FHL1: variants seen among roughly 807,000 people sequenced by gnomAD.
The protein encoded by FHL1 is four and a half LIM domains protein 1.
Under a neutral mutation model 20.3 loss-of-function variants are expected in FHL1, and 1 was observed. That is an observed-to-expected ratio of 0.05 (90% CI 0.02 to 0.23). FHL1 has a LOEUF of 0.23. Among genes scored for constraint, FHL1 ranks in the 10% least tolerant of loss-of-function variants. The pLI is 1.00. For missense variants in FHL1, 177 were observed against 234.0 expected, an observed-to-expected ratio of 0.76 and a Z score of 1.59; for synonymous variants, 82 against 88.9, an observed-to-expected ratio of 0.92 and a Z score of 0.44.
intron 1 of FHL1, among the ~76,000 whole-genome samples, chrX:136,153,324 TG>T (rs929659893): frequency 9.0e-6 from 1 of 110,630 alleles, no homozygotes; most frequent in African/African-American, 3.3e-5. Context: ...TAATTTCATT[TG>T]CTTCAATTGG....
chrX:136,154,834 C>A (rs2072368128), intron 1 of FHL1, among the ~76,000 whole-genome samples: 1 of 110,792 alleles, frequency 9.0e-6, no homozygotes, highest in Non-Finnish European at 1.9e-5. Context: ...AGCCTCCCTA[C>A]TAGCTGGGAT....
At chrX:136,174,665 T>C (rs907180081) in intron 2 of FHL1, among the ~76,000 whole-genome samples, 2 of 111,990 alleles carry the variant, frequency 1.8e-5, no homozygotes, top group African/African-American at 6.5e-5. Context: ...GGATCTACTT[T>C]GAGTTGGAGC....
chrX:136,189,059 G>A (rs1318482187), intron 2 of FHL1, among the ~76,000 whole-genome samples: 1 of 111,811 alleles, frequency 8.9e-6, no homozygotes, highest in Non-Finnish European at 1.9e-5. Context: ...TGTGAATCAA[G>A]GGTGGCCTGC....
At chrX:136,175,024 ACC>A (rs2072965840) in intron 2 of FHL1, among the ~76,000 whole-genome samples, 1 of 112,432 alleles carries the variant, frequency 8.9e-6, no homozygotes, top group South Asian at 3.7e-4. Flanking sequence ...GAAAAAGCAC[ACC>A]AGGAAAAATC....
chrX:136,178,399 T>C (rs909713294), intron 2 of FHL1, among the ~76,000 whole-genome samples: 6 of 112,070 alleles, frequency 5.4e-5, no homozygotes, highest in African/African-American at 9.7e-5. Context: ...CATCTCTCAC[T>C]GAAGGATACC....
chrX:136,171,399 A>G, intron 2 of FHL1, among the ~76,000 whole-genome samples: 1 of 111,934 alleles, frequency 8.9e-6, no homozygotes, highest in East Asian at 2.8e-4. Context: ...CTATTGAAAG[A>G]GCAGAGATTT....
chrX:136,153,943 C>T (rs2072343918), intron 1 of FHL1, among the ~76,000 whole-genome samples: 1 of 111,708 alleles, frequency 9.0e-6, no homozygotes, highest in African/African-American at 3.3e-5. Context: ...GCTATAGCCT[C>T]TTCCTGGCAG....
At chrX:136,160,326 G>A (rs964184380) in intron 1 of FHL1, among the ~76,000 whole-genome samples, 1 of 112,091 alleles carries the variant, frequency 8.9e-6, no homozygotes, top group African/African-American at 3.2e-5. Flanking sequence ...TCAGGTCTGT[G>A]ATAAGACCTG....
chrX:136,201,589 G>A (rs2073711078), intron 1 of FHL1, among the ~76,000 whole-genome samples: 1 of 110,976 alleles, frequency 9.0e-6, no homozygotes, highest in Non-Finnish European at 1.9e-5. Context: ...TGTCTATTAG[G>A]GACCGTGTTT....
rs1044208751 is a variant in FHL1, at chrX:136,211,202, CAA to C, written c.*1178_*1179del. ...TATTATATGACATAGTATAATGAGA[CAA>C]TATCAAAAGTAAACATGTAATGACA... On this transcript the variant is annotated 3_prime_UTR_variant, in exon 6 of 6. Coordinates refer to ENST00000370683, the MANE Select transcript of FHL1 (RefSeq NM_001159699.2). The C allele has an allele frequency of 2.2e-5, 8 of 361,704 alleles. No homozygotes were observed. Among genetic ancestry groups the C allele is most frequent in the African/African-American group, 1.5e-4 (6 of 39,314 alleles). 29.8% of individuals were successfully genotyped at this position (361,704 alleles called of 1,213,427 possible). A position where few individuals can be genotyped will look rare whatever the true frequency, so the allele number is the denominator to read the frequency against.
At chrX:136,186,597 C>G (rs1345038148) in intron 2 of FHL1, among the ~76,000 whole-genome samples, 1 of 110,876 alleles carries the variant, frequency 9.0e-6, no homozygotes, top group African/African-American at 3.3e-5. Flanking sequence ...TGCAGTGGCT[C>G]ACATCTGTAC....
chrX:136,179,931 A>G (rs1217022939), intron 2 of FHL1, among the ~76,000 whole-genome samples: 2 of 111,766 alleles, frequency 1.8e-5, no homozygotes, highest in African/African-American at 3.2e-5. Flanking sequence ...GCTTTATCAA[A>G]TATCCACCAT....
At chrX:136,157,757 T>C in intron 1 of FHL1, among the ~76,000 whole-genome samples, 1 of 112,086 alleles carries the variant, frequency 8.9e-6, no homozygotes, top group Middle Eastern at 4.6e-3. Flanking sequence ...TGCAATTGTC[T>C]TCTCTATGTT....
chrX:136,191,397 C>A (rs976306793), intron 2 of FHL1, among the ~76,000 whole-genome samples: 2 of 111,589 alleles, frequency 1.8e-5, no homozygotes, highest in African/African-American at 6.5e-5. Flanking sequence ...CCCCTGCTAT[C>A]AAAATAGACA....
chrX:136,175,585 A>C (rs1290707015), intron 2 of FHL1, among the ~76,000 whole-genome samples: 1 of 112,854 alleles, frequency 8.9e-6, no homozygotes, highest in Admixed American at 9.3e-5. Context: ...TGAAAAAAAT[A>C]GTTCATTTAT....
intron 1 of FHL1, among the ~76,000 whole-genome samples, chrX:136,203,406 T>C (rs1045202138): frequency 2.5e-4 from 28 of 112,159 alleles, no homozygotes; most frequent in African/African-American, 8.1e-4. Context: ...AAATCTTGCC[T>C]AAAGCTAGGA....
intron 2 of FHL1, among the ~76,000 whole-genome samples, chrX:136,189,638 A>G (rs1307936657): frequency 8.9e-6 from 1 of 111,862 alleles, no homozygotes; most frequent in Non-Finnish European, 1.9e-5. Context: ...TTACTGCTGT[A>G]TTTCTCACAA....
rs1246858413 is a variant in FHL1, at chrX:136,210,156, C to A, written c.*131C>A. On this transcript the variant is annotated 3_prime_UTR_variant, in exon 6 of 6. Coordinates refer to ENST00000370683, the MANE Select transcript of FHL1 (RefSeq NM_001159699.2). ...TTAAAGTTCTCCTTCCGTCTTTTCT[C>A]CCATTTTACAGTATTACTCAAATAA... 1.0e-6 allele frequency: 1 copy of A among 976,195 alleles called. No individual in the cohort carries two copies. Among genetic ancestry groups the A allele is most frequent in the East Asian group, 3.1e-5 (1 of 32,552 alleles). 80.4% of individuals were successfully genotyped at this position (976,195 alleles called of 1,213,427 possible).
intron 2 of FHL1, among the ~76,000 whole-genome samples, chrX:136,188,224 A>C (rs1296325387): frequency 8.9e-6 from 1 of 112,168 alleles, no homozygotes; most frequent in Non-Finnish European, 1.9e-5. Context: ...TGATTGATAA[A>C]ATTTTGGGTA....
Sources: gnomAD v4.1 joint callset for allele counts (sites outside exome capture counted in the v4.1 genomes callset) on GRCh38, gnomAD v4.1.1 for gene constraint, MANE v1.5 for transcripts, NCBI Gene and HGNC (gene_info 2026-07-23, HGNC 2026-07-21) for gene names.